Variants in SYNE2 observed in about 807,000 individuals in gnomAD.
The protein encoded by SYNE2 is spectrin repeat containing nuclear envelope protein 2.
SYNE2 carries 431 observed loss-of-function variants against 856.3 expected under a neutral mutation model. The ratio of observed to expected loss-of-function variants is 0.50; its 90% CI spans 0.47 to 0.55. SYNE2 has a LOEUF of 0.55. Among genes scored for constraint, SYNE2 ranks in the 20% least tolerant of loss-of-function variants. The pLI is 0.00. For missense variants in SYNE2, 8,129 were observed against 8,023.2 expected (o/e 1.01, Z -0.50); for synonymous variants, 2,923 against 2,872.3 (o/e 1.02, Z -0.56).
chr14:64,167,218 A>AT lies in SYNE2; in HGVS notation c.16606-9dup. 1.2e-6 allele frequency: 2 copies of AT among 1,613,952 alleles called. No homozygotes were observed. The highest frequency in any genetic ancestry group is 2.2e-5 in the East Asian group (1 of 44,886). ...TTGGCATCCAAAAACCTGTACTTCA[A>AT]TTTTTTAAAAATAGAATCATGTGCT... On this transcript the variant is annotated splice_polypyrimidine_tract_variant and intron_variant, in intron 90 of 115. Transcript: ENST00000555002.
At chr14:63,793,703 A>T (rs1235513570) in intron 1 of SYNE2, among the ~76,000 whole-genome samples, 1 of 152,126 alleles carries the variant, frequency 6.6e-6, no homozygotes, top group Non-Finnish European at 1.5e-5. Flanking sequence ...TCCGGAGGCC[A>T]GAGCATGAGG....
chr14:64,069,604 G>C (rs889334330), intron 51 of SYNE2, among the ~76,000 whole-genome samples: 5 of 152,198 alleles, frequency 3.3e-5, no homozygotes, highest in Non-Finnish European at 5.9e-5. Flanking sequence ...CCCAAGGATA[G>C]CATATACTGC....
At position 64,002,892 on chromosome 14, in the gene SYNE2, A is replaced by T. The variant is rs2096766484; in HGVS notation, c.3959A>T (p.Asp1320Val). The change falls in exon 30 of 116, where the codon GAT becomes GTT. Residue 1320 changes from aspartate to valine, a missense_variant. Around this residue, in one of 3 missense-constraint regions of SYNE2, gnomAD observed 2,422 missense variants for 2,357.4 expected, o/e 1.03. Transcript: ENST00000555002. Reference sequence around the variant, plus strand: ...AACCACAGGGTGCAGAGGAGTGAAGATACTCTCAAAGCTCTGGAAGACTTT... The same window carrying T: ...AACCACAGGGTGCAGAGGAGTGAAGTTACTCTCAAAGCTCTGGAAGACTTT... The part of the protein sequence containing the change: ...GMNHRVQRSE[D>V]TLKALEDFLA... 1.2e-6 allele frequency: 2 copies of T among 1,614,198 alleles called. No individual in the cohort carries two copies. The highest frequency in any genetic ancestry group is 8.5e-7 in the Non-Finnish European group (1 of 1,180,032).
At chr14:63,876,688 G>T (rs553472922) in intron 1 of SYNE2, among the ~76,000 whole-genome samples, 2 of 151,998 alleles carry the variant, frequency 1.3e-5, no homozygotes, top group Non-Finnish European at 2.9e-5. Flanking sequence ...GGGTTTCACC[G>T]TGTTAGCCAG....
chr14:63,976,676 G>C lies in SYNE2; in HGVS notation c.1242G>C (p.Gln414His), dbSNP rs757157681. 6.8e-6 allele frequency: 11 copies of C among 1,612,048 alleles called. No individual in the cohort carries two copies. In the South Asian group the frequency reaches 1.1e-4, roughly 16 times the overall value. ...TGGATGAAGATTTGTCAGCCTCCCA[G>C]GATCACTCTCAAGCCGTGACTCTGA... ...ELMDEDLSASQDHSQAVTLIQ... is the reference protein window; with the variant it reads ...ELMDEDLSASHDHSQAVTLIQ... The change falls in exon 12 of 116, where the codon CAG becomes CAC. Residue 414 changes from glutamine (Q) to histidine (H), a missense_variant. Physicochemically the swap from Gln to His is conservative, Grantham distance 24 (BLOSUM62 0). Around this residue, in one of 3 missense-constraint regions of SYNE2, gnomAD observed 2,422 missense variants for 2,357.4 expected, o/e 1.03. Coordinates refer to ENST00000555002, the MANE Select transcript of SYNE2 (RefSeq NM_182914.3).
intron 60 of SYNE2, among the ~76,000 whole-genome samples, chr14:64,092,060 GA>G (rs1347913474): frequency 6.6e-6 from 1 of 151,742 alleles, no homozygotes; most frequent in Non-Finnish European, 1.5e-5. Flanking sequence ...CCTACAGAGA[GA>G]AAAAAGATCT....
intron 1 of SYNE2, among the ~76,000 whole-genome samples, chr14:63,807,818 C>CTT (rs1888423166): frequency 1.9e-4 from 5 of 25,778 alleles, no homozygotes; most frequent in Middle Eastern, 0.029. Context: ...CTACTCCAGG[C>CTT]TTATATATAT....
intron 1 of SYNE2, among the ~76,000 whole-genome samples, chr14:63,908,602 G>T (rs907055560): frequency 6.6e-6 from 1 of 152,166 alleles, no homozygotes; most frequent in African/African-American, 2.4e-5. Context: ...TGATATATTA[G>T]ATTTTTAGTT....
In SYNE2 at chr14:64,190,200, G is replaced by A. The variant is rs769737846; in HGVS notation, c.18001G>A (p.Asp6001Asn). Residue 6001 changes from aspartate (D) to asparagine (N), a missense_variant, in exon 99 of 116, where the codon GAT becomes AAT. Asp to Asn is a conservative substitution (Grantham distance 23). Transcript: ENST00000555002. The part of the protein sequence containing the change: ...EIDDKLNKIN[D>N]RWQHLFDVIG... ...CGATGACAAGCTCAACAAAATTAAC[G>A]ATCGTTGGCAACATCTTTTTGATGT... 1.4e-4 allele frequency: 231 copies of A among 1,613,934 alleles called. No individual in the cohort carries two copies. Among genetic ancestry groups the A allele is most frequent in the Non-Finnish European group, 1.7e-4 (202 of 1,180,024 alleles).
chr14:64,138,036 TC>T, intron 79 of SYNE2, 53 bp downstream of exon 79: 1 of 1,567,940 alleles, frequency 6.4e-7, no homozygotes, highest in Non-Finnish European at 8.7e-7. Flanking sequence ...AAGAAAGACC[TC>T]GGGGATTCTG....
At chr14:64,190,008 T>A in intron 98 of SYNE2, 63 bp from the exon 99 acceptor site, 1 of 1,571,316 alleles carries the variant, frequency 6.4e-7, no homozygotes, top group Non-Finnish European at 8.7e-7. Flanking sequence ...TCTATGTCTG[T>A]GGCTGGAGAA....
chr14:63,895,912 CTTAAT>C (rs943791634), intron 1 of SYNE2, among the ~76,000 whole-genome samples: 7 of 151,714 alleles, frequency 4.6e-5, no homozygotes, highest in Non-Finnish European at 8.8e-5. Flanking sequence ...AAGTCTGTGA[CTTAAT>C]TTATTTATAT....
At chr14:64,151,980 C>G (rs900920539) in intron 84 of SYNE2, among the ~76,000 whole-genome samples, 2 of 151,976 alleles carry the variant, frequency 1.3e-5, no homozygotes, top group African/African-American at 4.8e-5. Context: ...CCCATGGTGT[C>G]CTTTGTAGTA....
chr14:63,874,502 A>G (rs982780404), intron 1 of SYNE2, among the ~76,000 whole-genome samples: 3 of 152,170 alleles, frequency 2.0e-5, no homozygotes, highest in Non-Finnish European at 4.4e-5. Flanking sequence ...AAGGATATCT[A>G]TGTAACCTGC....
intron 2 of SYNE2, among the ~76,000 whole-genome samples, chr14:63,927,414 A>G (rs948709707): frequency 6.6e-6 from 1 of 152,068 alleles, no homozygotes; most frequent in African/African-American, 2.4e-5. Flanking sequence ...CCCAAATCTC[A>G]TCTTGAATTG....
chr14:64,136,289 C>CAAAAA, intron 78 of SYNE2, among the ~76,000 whole-genome samples: 1 of 62,028 alleles, frequency 1.6e-5, no homozygotes, highest in East Asian at 4.9e-4. Flanking sequence ...GACTTCATCT[C>CAAAAA]AAAAAAAAAA....
intron 90 of SYNE2, chr14:64,167,032 C>T: frequency 1.6e-6 from 1 of 619,344 alleles, no homozygotes; most frequent in Non-Finnish European, 2.8e-6. Context: ...GGCCGTGTTG[C>T]AGGTTGGTAT....
At chr14:64,057,516 C>T (rs1446438367) in intron 49 of SYNE2, among the ~76,000 whole-genome samples, 9 of 152,124 alleles carry the variant, frequency 5.9e-5, no homozygotes, top group South Asian at 2.1e-4. Flanking sequence ...TCTTCATCCA[C>T]TCATCTGTTG....
At chr14:63,771,272 G>A (rs966803041) in intron 1 of SYNE2, among the ~76,000 whole-genome samples, 1 of 151,464 alleles carries the variant, frequency 6.6e-6, no homozygotes, top group African/African-American at 2.4e-5. Context: ...GGGTTTCACC[G>A]TGTTAGCCAG....
Sources: allele counts gnomAD v4.1 joint callset (sites outside exome capture counted in the v4.1 genomes callset), GRCh38; gene constraint gnomAD v4.1.1; regional missense constraint gnomAD v4.1.1; transcripts MANE v1.5; gene names NCBI Gene and HGNC (gene_info 2026-07-23, HGNC 2026-07-21).